The following ZNF287 variants were observed in gnomAD, a reference collection of about 807,000 sequenced individuals.
ZNF287 encodes zinc finger protein 287, also known as zinc finger protein with KRAB and SCAN domains 13.
A neutral mutation model predicts 73.7 loss-of-function variants in ZNF287; 31 were observed. That is an observed-to-expected ratio of 0.42 (90% CI 0.32 to 0.57). The LOEUF is 0.57. Ranked by LOEUF, ZNF287 falls within the 20% of genes least tolerant of loss-of-function variation. The pLI is 0.13. For synonymous variants in ZNF287, 301 were observed against 307.2 expected, an observed-to-expected ratio of 0.98 and a Z score of 0.21; for missense variants, 641 against 909.3, an observed-to-expected ratio of 0.70 and a Z score of 3.79.
In ZNF287 at chr17:16,550,750, G is replaced by A. The variant is rs921129677; in HGVS notation, c.*1106C>T. Among the ~76,000 whole-genome samples, 1 of 152,148 alleles carries A rather than the reference G, an allele frequency of 6.6e-6. No homozygotes were observed. The highest frequency in any genetic ancestry group is 1.5e-5 in the Non-Finnish European group (1 of 68,022). On this transcript the variant is annotated 3_prime_UTR_variant, in exon 6 of 6. Coordinates refer to ENST00000395825, the MANE Select transcript of ZNF287 (RefSeq NM_020653.4). ...AGCATAGTAGACACTCAAGAAACGT[G>A]TTTCAGTGGAAGAAATGAACTTTCC...
chr17:16,560,433 C>G (rs563645712), intron 5 of ZNF287, among the ~76,000 whole-genome samples: 3 of 149,626 alleles, frequency 2.0e-5, no homozygotes, highest in African/African-American at 7.3e-5. Context: ...CACTGCAACC[C>G]CCGCCTCCCG....
intron 5 of ZNF287, among the ~76,000 whole-genome samples, chr17:16,557,676 T>C (rs1907163274): frequency 6.6e-6 from 1 of 152,076 alleles, no homozygotes; most frequent in African/African-American, 2.4e-5. Context: ...AGACAGCTCC[T>C]CAATCATGTT....
Position 16,551,576 on chromosome 17 carries a change from A to G in ZNF287, c.*280T>C. On this transcript the variant is annotated 3_prime_UTR_variant, in exon 6 of 6. Transcript: ENST00000395825. ...GTATACCAAAGGATAAGTGTACTTGAAATAGAGAGTTGATGAGTTATGTTT... is the reference window on the plus strand; with the variant it reads ...GTATACCAAAGGATAAGTGTACTTGGAATAGAGAGTTGATGAGTTATGTTT... 2.8e-6 allele frequency: 1 copy of G among 359,744 alleles called. No individual in the cohort carries two copies. 22.3% of individuals were successfully genotyped at this position (359,744 alleles called of 1,614,324 possible).
intron 5 of ZNF287, among the ~76,000 whole-genome samples, chr17:16,557,476 A>G (rs1907149015): frequency 6.6e-6 from 1 of 152,112 alleles, no homozygotes; most frequent in Non-Finnish European, 1.5e-5. Flanking sequence ...CAATACTACT[A>G]TTCTGTTTGT....
At position 16,548,842 on chromosome 17, in the gene ZNF287, G is replaced by A. The variant is rs951327548; in HGVS notation, c.*3014C>T. On this transcript the variant is annotated 3_prime_UTR_variant, in exon 6 of 6. Coordinates refer to ENST00000395825, the MANE Select transcript of ZNF287 (RefSeq NM_020653.4). ...AAAGTGGGGACTGTTCTAGATAGAT[G>A]AAACAGATAATCAAATACTATGTGT... Among the ~76,000 whole-genome samples the A allele has an allele frequency of 6.6e-6, 1 of 152,028 alleles. No individual in the cohort carries two copies. The highest frequency in any genetic ancestry group is 1.5e-5 in the Non-Finnish European group (1 of 67,998).
At chr17:16,559,461 T>A (rs1907280221) in intron 5 of ZNF287, among the ~76,000 whole-genome samples, 1 of 152,112 alleles carries the variant, frequency 6.6e-6, no homozygotes, top group Non-Finnish European at 1.5e-5. Context: ...GGTTATTCAC[T>A]GTATAAGAAA....
intron 5 of ZNF287, among the ~76,000 whole-genome samples, chr17:16,556,698 AGAT>A (rs1004039269): frequency 5.3e-5 from 8 of 152,194 alleles, no homozygotes; most frequent in African/African-American, 1.9e-4. Context: ...AAAAGAGATG[AGAT>A]GATACCAGAA....
intron 5 of ZNF287, chr17:16,558,267 A>T (rs1597467900): frequency 6.6e-6 from 1 of 152,206 alleles, no homozygotes; most frequent in Non-Finnish European, 1.5e-5. Context: ...TTAGTTTTTT[A>T]AAAAAGTGAA....
chr17:16,551,646 A>C lies in ZNF287; in HGVS notation c.*210T>G. 1 of 501,358 alleles carries C rather than the reference A, an allele frequency of 2.0e-6. No individual in the cohort carries two copies. The highest frequency in any genetic ancestry group is 3.4e-6 in the Non-Finnish European group (1 of 291,722). 31.1% of individuals were successfully genotyped at this position (501,358 alleles called of 1,614,324 possible). ...TTTCTTTCTGTAATGAATTAAAATC[A>C]TATCAAATTAAGGTTAAGAAGTCAA... On this transcript the variant is annotated 3_prime_UTR_variant, in exon 6 of 6. Transcript: ENST00000395825.
At chr17:16,553,568 GA>G in intron 5 of ZNF287, 142 bp from the exon 6 acceptor site, 1 of 652,860 alleles carries the variant, frequency 1.5e-6, no homozygotes, top group Non-Finnish European at 2.3e-6. Flanking sequence ...TAAAACTTGG[GA>G]AAGGAGACAA....
chr17:16,556,404 C>T (rs1217746514), intron 5 of ZNF287, among the ~76,000 whole-genome samples: 2 of 151,976 alleles, frequency 1.3e-5, no homozygotes, highest in Non-Finnish European at 2.9e-5. Context: ...AAAAAGATTA[C>T]CAAAATGCTA....
In ZNF287 at chr17:16,547,920, T is replaced by C. The variant is rs1006855977; in HGVS notation, c.*3936A>G. Among the ~76,000 whole-genome samples, 11 of 152,240 alleles carry C rather than the reference T, an allele frequency of 7.2e-5. No individual in the cohort carries two copies. The highest frequency in any genetic ancestry group is 2.7e-4 in the African/African-American group (11 of 41,466). On this transcript the variant is annotated 3_prime_UTR_variant, in exon 6 of 6. Transcript: ENST00000395825. ...ATAAATGACTTAACACATTGAATCATGTGTTATCACTGCAGATGAAAGCAT... is the reference window on the plus strand; with the variant it reads ...ATAAATGACTTAACACATTGAATCACGTGTTATCACTGCAGATGAAAGCAT...
intron 3 of ZNF287, among the ~76,000 whole-genome samples, chr17:16,564,332 C>T (rs1036292043): frequency 6.6e-6 from 1 of 152,142 alleles, no homozygotes; most frequent in Non-Finnish European, 1.5e-5. Context: ...TCCTGAGTAG[C>T]TAGGACTACA....
Position 16,567,663 on chromosome 17 carries a change from G to T in ZNF287, c.69C>A (p.Asp23Glu), listed in dbSNP as rs1284599180. The stretch of plus-strand genomic sequence containing the variant: ...CATTGTAGGGTCCACTCTGAGCCTT[G>T]TCTGACTTCCACCTTAGAAGGATTT... Reference protein sequence around the residue: ...RSQILLRWKSDKAQSGPYNVE... With the variant: ...RSQILLRWKSEKAQSGPYNVE... The change falls in exon 2 of 6, where the codon GAC becomes GAA. Residue 23 changes from aspartate (D) to glutamate (E), a missense_variant. Around this residue, in one of 2 missense-constraint regions of ZNF287, gnomAD observed 357 missense variants for 442.4 expected, o/e 0.81. Coordinates refer to ENST00000395825, the MANE Select transcript of ZNF287 (RefSeq NM_020653.4). The T allele has an allele frequency of 1.2e-6, 2 of 1,614,064 alleles. No individual in the cohort carries two copies. Among genetic ancestry groups the T allele is most frequent in the Non-Finnish European group, 1.7e-6 (2 of 1,180,034 alleles).
chr17:16,560,833 C>A (rs950779108), intron 5 of ZNF287, among the ~76,000 whole-genome samples: 9 of 150,306 alleles, frequency 6.0e-5, no homozygotes, highest in African/African-American at 2.2e-4. Flanking sequence ...GAAACCCCGT[C>A]TCTACTAAAA....
At chr17:16,559,939 T>A (rs903837728) in intron 5 of ZNF287, among the ~76,000 whole-genome samples, 1 of 151,858 alleles carries the variant, frequency 6.6e-6, no homozygotes, top group Non-Finnish European at 1.5e-5. Flanking sequence ...TACATACACA[T>A]CCATATATAT....
At chr17:16,559,454 T>C (rs1401791360) in intron 5 of ZNF287, among the ~76,000 whole-genome samples, 3 of 152,186 alleles carry the variant, frequency 2.0e-5, no homozygotes, top group African/African-American at 7.2e-5. Flanking sequence ...GAAACCAGGT[T>C]ATTCACTGTA....
chr17:16,556,312 C>A (rs1325674358), intron 5 of ZNF287, among the ~76,000 whole-genome samples: 1 of 151,974 alleles, frequency 6.6e-6, no homozygotes, highest in Non-Finnish European at 1.5e-5. Flanking sequence ...TACAAAATCA[C>A]AGTTTACCTA....
chr17:16,556,165 G>GACACACACACACAAACACAC (rs780126264), intron 5 of ZNF287, among the ~76,000 whole-genome samples: 10 of 144,234 alleles, frequency 6.9e-5, no homozygotes, highest in African/African-American at 2.5e-4. Context: ...GACAGACACA[G>GACACACACACACAAACACAC]ACACACACAC....
Sources: allele counts gnomAD v4.1 joint callset (sites outside exome capture counted in the v4.1 genomes callset), GRCh38; gene constraint gnomAD v4.1.1; regional missense constraint gnomAD v4.1.1; transcripts MANE v1.5; gene names NCBI Gene and HGNC (gene_info 2026-07-23, HGNC 2026-07-21).